The following P2RX5 variants were observed in gnomAD, a reference collection of about 807,000 sequenced individuals.
P2RX5 encodes the protein purinergic receptor P2X 5, also known as P2X purinoceptor 5.
P2RX5 carries 46 observed loss-of-function variants against 54.1 expected under a neutral mutation model. The ratio of observed to expected loss-of-function variants is 0.85; its 90% CI spans 0.67 to 1.09. P2RX5 has a LOEUF of 1.09. Among genes scored for constraint, P2RX5 ranks in the 50% least tolerant of loss-of-function variants. The pLI, the probability that P2RX5 is intolerant of heterozygous loss-of-function variation, is 0.00. For missense variants in P2RX5, 566 were observed against 549.8 expected, an observed-to-expected ratio of 1.03 and a Z score of -0.29; for synonymous variants, 226 against 226.4, an observed-to-expected ratio of 1.00 and a Z score of 0.02.
At chr17:3,694,388 T>A (rs1268712162) in intron 1 of P2RX5, among the ~76,000 whole-genome samples, 3 of 152,182 alleles carry the variant, frequency 2.0e-5, no homozygotes, top group African/African-American at 7.2e-5. Flanking sequence ...GTATTTTTAG[T>A]AGAAACAGGG....
chr17:3,710,594 T>G, the P2RX5 span, among the ~76,000 whole-genome samples: 3 of 151,748 alleles, frequency 2.0e-5, no homozygotes, highest in South Asian at 2.1e-4. Flanking sequence ...GTAAATGTAT[T>G]AGAGATGTGC....
Position 3,695,871 on chromosome 17 carries a change from G to A in P2RX5, c.135C>T (p.Val45=), listed in dbSNP as rs756773196. Residue 45 remains valine (V), a splice_region_variant and synonymous_variant, in exon 1 of 12, where the codon GTC becomes GTT. Transcript: ENST00000225328. The part of the protein sequence containing the change: ...LLQASILAYL[V]VWVFLIKKGY... ...CCAAAAGTCCGCGGAGAACTTACACGACCAGGTACGCCAGGATGGAGGCCT... is the reference window on the plus strand; with the variant it reads ...CCAAAAGTCCGCGGAGAACTTACACAACCAGGTACGCCAGGATGGAGGCCT... 2 of 1,538,580 alleles carry A rather than the reference G, an allele frequency of 1.3e-6. No homozygotes were observed. Among genetic ancestry groups the A allele is most frequent in the Admixed American group, 3.5e-5 (2 of 57,774 alleles).
At chr17:3,697,588 A>G (rs1300866841), upstream of P2RX5, among the ~76,000 whole-genome samples, 2 of 152,190 alleles carry the variant, frequency 1.3e-5, no homozygotes, top group Non-Finnish European at 2.9e-5. Flanking sequence ...AGCCCCAAGG[A>G]AGGTGTCCAG....
the P2RX5 span, among the ~76,000 whole-genome samples, chr17:3,714,376 C>T: frequency 1.5e-4 from 23 of 151,904 alleles, no homozygotes; most frequent in African/African-American, 4.8e-4. Flanking sequence ...TACAGGCACC[C>T]GCCACCATGC....
At chr17:3,723,730 G>T in the P2RX5 span, 1 of 1,606,574 alleles carries the variant, frequency 6.2e-7, no homozygotes, top group Non-Finnish European at 8.5e-7. Flanking sequence ...GACTCCAGGT[G>T]CACACCGTGG....
the P2RX5 span, among the ~76,000 whole-genome samples, chr17:3,709,251 G>A: frequency 5.9e-5 from 9 of 152,160 alleles, no homozygotes; most frequent in African/African-American, 1.7e-4. Context: ...AAAGATACAC[G>A]TTAAACCAGG....
At chr17:3,711,918 T>C in the P2RX5 span, among the ~76,000 whole-genome samples, 1 of 144,184 alleles carries the variant, frequency 6.9e-6, no homozygotes, top group Non-Finnish European at 1.5e-5. Context: ...AGTGTCTTCC[T>C]CCTCATTAAG....
chr17:3,723,241 CG>C, the P2RX5 span: 1 of 1,234,984 alleles, frequency 8.1e-7, no homozygotes, highest in Non-Finnish European at 1.2e-6. Context: ...GGGCGATGCC[CG>C]TGAGCAACTG....
intron 10 of P2RX5, among the ~76,000 whole-genome samples, chr17:3,680,008 TCCTCCACCCTGAGTCCTCCACCCAGCTC>T (rs1159840157): frequency 5.4e-5 from 8 of 148,794 alleles, no homozygotes; most frequent in Non-Finnish European, 1.0e-4. Context: ...CCACGTGGCG[TCCTCCACCCTGAGTCCTCCACCCAGCTC>T]CCTCCACCCT....
chr17:3,707,989 C>T, the P2RX5 span, among the ~76,000 whole-genome samples: 12 of 139,898 alleles, frequency 8.6e-5, no homozygotes, highest in South Asian at 2.4e-3. Context: ...ACCCGGGATG[C>T]GGAACTTGCA....
chr17:3,690,443 T>A lies in P2RX5; in HGVS notation c.517A>T (p.Thr173Ser), dbSNP rs775894894. 1.1e-5 allele frequency: 18 copies of A among 1,611,678 alleles called. No individual in the cohort carries two copies. The East Asian group carries it at 2.5e-4, about 22-fold the overall frequency. Reference sequence around the variant, plus strand: ...GCCACTCACTCCGGCCTGGAGCTTGTCTCCAACGGGCACCAGGCAAAGATC... The same window carrying A: ...GCCACTCACTCCGGCCTGGAGCTTGACTCCAACGGGCACCAGGCAAAGATC... ...CEIFAWCPLE[T>S]SSRPEEPFLK... Residue 173 changes from threonine (T) to serine (S), a missense_variant, in exon 5 of 12, where the codon ACA becomes TCA. Physicochemically the swap from Thr to Ser is moderately conservative, Grantham distance 58 (BLOSUM62 1). Coordinates refer to ENST00000225328, the MANE Select transcript of P2RX5 (RefSeq NM_002561.4).
In P2RX5 at chr17:3,695,853, T is replaced by A; in HGVS notation, c.137+16A>T. Reference sequence around the variant, plus strand: ...TGCCCCTCCCCCGCCTTCCCAAAAGTCCGCGGAGAACTTACACGACCAGGT... The same window carrying A: ...TGCCCCTCCCCCGCCTTCCCAAAAGACCGCGGAGAACTTACACGACCAGGT... On this transcript the variant is annotated intron_variant, in intron 1 of 11. Transcript: ENST00000225328. 1 of 1,602,408 alleles carries A rather than the reference T, an allele frequency of 6.2e-7. No homozygotes were observed. The highest frequency in any genetic ancestry group is 8.5e-7 in the Non-Finnish European group (1 of 1,172,564).
At chr17:3,699,607 C>A (rs1203408030), upstream of P2RX5, among the ~76,000 whole-genome samples, 1 of 151,112 alleles carries the variant, frequency 6.6e-6, no homozygotes, top group Non-Finnish European at 1.5e-5. Flanking sequence ...AAGTTTGAGA[C>A]CAGCCTAACC....
At chr17:3,701,655 G>T in the P2RX5 span, among the ~76,000 whole-genome samples, 1 of 127,884 alleles carries the variant, frequency 7.8e-6, no homozygotes, top group Admixed American at 9.1e-5. Context: ...TCACACCATT[G>T]CACACTCCAG....
At chr17:3,676,076 G>A in intron 11 of P2RX5, 4 of 985,464 alleles carry the variant, frequency 4.1e-6, no homozygotes, top group Non-Finnish European at 4.8e-6. Flanking sequence ...CTTCCAGGGA[G>A]CCGCCCAGAC....
the P2RX5 span, among the ~76,000 whole-genome samples, chr17:3,708,961 C>CT: frequency 1.0e-3 from 155 of 151,612 alleles, 1 homozygote; most frequent in Middle Eastern, 0.021. Context: ...TCTTTCTTTT[C>CT]TTTTTTTTGA....
the P2RX5 span, chr17:3,720,202 T>C: frequency 6.3e-6 from 4 of 637,436 alleles, no homozygotes; most frequent in African/African-American, 1.8e-5. Flanking sequence ...AGATCAGAAG[T>C]GTTAAGGCTG....
chr17:3,677,265 G>A (rs559267816), intron 11 of P2RX5: 3 of 985,330 alleles, frequency 3.0e-6, no homozygotes, highest in South Asian at 4.7e-5. Flanking sequence ...CCTCTGAGGA[G>A]GGGTGGGGAG....
the P2RX5 span, among the ~76,000 whole-genome samples, chr17:3,713,430 T>A: frequency 6.6e-6 from 1 of 152,140 alleles, no homozygotes; most frequent in African/African-American, 2.4e-5. Context: ...AAGAAAATTA[T>A]AAAACCTTGC....
Sources: allele counts gnomAD v4.1 joint callset (sites outside exome capture counted in the v4.1 genomes callset), GRCh38; gene constraint gnomAD v4.1.1; transcripts MANE v1.5; gene names NCBI Gene and HGNC (gene_info 2026-07-23, HGNC 2026-07-21).